Variants in SOX5 observed in about 807,000 individuals in gnomAD.
SOX5 encodes the protein transcription factor SOX-5.
SOX5 carries 9 observed loss-of-function variants against 92.0 expected under a neutral mutation model. The observed-to-expected ratio is 0.10, with a 90% CI of 0.06 to 0.17. SOX5 has a LOEUF of 0.17. Ranked by LOEUF, SOX5 falls within the 10% of genes least tolerant of loss-of-function variation. The pLI is 1.00. For synonymous variants in SOX5, 344 were observed against 336.3 expected (o/e 1.02, Z -0.25); for missense variants, 642 against 944.5 (o/e 0.68, Z 4.20).
At chr12:24,413,438 T>C (rs977785451) in intron 1 of SOX5, among the ~76,000 whole-genome samples, 3 of 152,238 alleles carry the variant, frequency 2.0e-5, no homozygotes, top group Admixed American at 2.0e-4. Flanking sequence ...TCTGCCCACA[T>C]TGTTACACAA....
chr12:23,748,797 T>C (rs2094086399), intron 4 of SOX5, among the ~76,000 whole-genome samples: 1 of 151,978 alleles, frequency 6.6e-6, no homozygotes, highest in Non-Finnish European at 1.5e-5. Flanking sequence ...TTTCAACTGG[T>C]ATTCCACTTG....
At chr12:23,918,951 G>T (rs1399836206) in intron 1 of SOX5, among the ~76,000 whole-genome samples, 1 of 151,174 alleles carries the variant, frequency 6.6e-6, no homozygotes, top group Non-Finnish European at 1.5e-5. Context: ...AAGAAAAATG[G>T]CCCCCAATTC....
At chr12:24,135,177 T>C (rs1950004508) in intron 4 of SOX5, among the ~76,000 whole-genome samples, 1 of 152,210 alleles carries the variant, frequency 6.6e-6, no homozygotes, top group South Asian at 2.1e-4. Context: ...TTCCTGGGAA[T>C]ACCCATTTGC....
intron 2 of SOX5, among the ~76,000 whole-genome samples, chr12:24,282,810 A>G (rs1235675192): frequency 6.6e-6 from 1 of 152,212 alleles, no homozygotes; most frequent in Non-Finnish European, 1.5e-5. Context: ...ATCTGAAGCC[A>G]GCACCTGCAA....
intron 2 of SOX5, among the ~76,000 whole-genome samples, chr12:23,872,248 G>A (rs1358517829): frequency 1.4e-5 from 2 of 141,084 alleles, no homozygotes; most frequent in South Asian, 2.2e-4. Flanking sequence ...TCCTGACCTC[G>A]TGATCCGCCC....
At chr12:24,561,741 T>G (rs1954369599) in intron 1 of SOX5, among the ~76,000 whole-genome samples, 1 of 134,276 alleles carries the variant, frequency 7.4e-6, no homozygotes, top group Non-Finnish European at 1.5e-5. Flanking sequence ...GGGGGAGTGG[T>G]AGGGAGAAGG....
chr12:24,331,830 A>T (rs1951342922), intron 2 of SOX5, among the ~76,000 whole-genome samples: 1 of 130,216 alleles, frequency 7.7e-6, no homozygotes, highest in African/African-American at 2.8e-5. Flanking sequence ...CCAGCCTGGG[A>T]ACAGAGCAAG....
chr12:23,785,726 T>C (rs2095365630), intron 3 of SOX5, among the ~76,000 whole-genome samples: 2 of 152,268 alleles, frequency 1.3e-5, no homozygotes, highest in South Asian at 2.1e-4. Context: ...AGTTGGAATA[T>C]ACATATGCCC....
At chr12:23,573,996 TTATC>T (rs943400908) in intron 10 of SOX5, among the ~76,000 whole-genome samples, 11 of 151,632 alleles carry the variant, frequency 7.3e-5, no homozygotes, top group Non-Finnish European at 1.0e-4. Flanking sequence ...AATATATTAG[TTATC>T]TATATTATAA....
intron 2 of SOX5, among the ~76,000 whole-genome samples, chr12:24,315,874 T>C (rs1949651991): frequency 6.6e-6 from 1 of 152,318 alleles, no homozygotes; most frequent in East Asian, 1.9e-4. Context: ...CACAGAAATC[T>C]TGAAAGTGCC....
chr12:24,147,280 T>G (rs1280516143), intron 4 of SOX5, among the ~76,000 whole-genome samples: 1 of 152,186 alleles, frequency 6.6e-6, no homozygotes, highest in Non-Finnish European at 1.5e-5. Flanking sequence ...CAAGGTTGTT[T>G]TAAAATTTGA....
chr12:24,000,175 T>C (rs1452377914), intron 4 of SOX5, among the ~76,000 whole-genome samples: 2 of 151,294 alleles, frequency 1.3e-5, no homozygotes, highest in Non-Finnish European at 3.0e-5. Context: ...GTGGAGAGAA[T>C]GGAGCTATAA....
At chr12:24,499,963 A>ACTCATCTCTTTGGAAATGTGT (rs1948036169) in intron 1 of SOX5, among the ~76,000 whole-genome samples, 1 of 152,132 alleles carries the variant, frequency 6.6e-6, no homozygotes, top group Non-Finnish European at 1.5e-5. Context: ...ACCCAATGTG[A>ACTCATCTCTTTGGAAATGTGT]CTCATCTCTT....
intron 1 of SOX5, among the ~76,000 whole-genome samples, chr12:24,454,010 AT>A (rs1222524366): frequency 6.6e-6 from 1 of 152,212 alleles, no homozygotes; most frequent in East Asian, 1.9e-4. Context: ...GGGTAGTCAA[AT>A]TAATCTAATT....
intron 4 of SOX5, among the ~76,000 whole-genome samples, chr12:24,116,543 C>G (rs1948022056): frequency 6.6e-6 from 1 of 152,106 alleles, no homozygotes; most frequent in South Asian, 2.1e-4. Context: ...GACAAAGTCA[C>G]AGTACTGCTG....
At position 24,325,960 on chromosome 12, in the gene SOX5, T is replaced by C. The variant is rs1324154746; in HGVS notation, c.-174+42603A>G. The stretch of plus-strand genomic sequence containing the variant: ...TTCGGTACTTGGCATTTGCTATTTA[T>C]TAAGACTTGTTAGAAAAACTTTAAG... On this transcript the variant is annotated intron_variant, in intron 2 of 4. Transcript: ENST00000446891. Among the ~76,000 whole-genome samples, 6 of 152,228 alleles carry C rather than the reference T, an allele frequency of 3.9e-5. No homozygotes were observed. In the South Asian group the frequency reaches 8.3e-4, roughly 21 times the overall value.
intron 1 of SOX5, among the ~76,000 whole-genome samples, chr12:24,411,762 G>A (rs1297645792): frequency 6.6e-6 from 1 of 151,984 alleles, no homozygotes; most frequent in East Asian, 1.9e-4. Flanking sequence ...GGGGATATTG[G>A]TCTCATTTCT....
chr12:23,974,155 G>GTCTC (rs757869849), intron 4 of SOX5, among the ~76,000 whole-genome samples: 1 of 151,950 alleles, frequency 6.6e-6, no homozygotes, highest in Non-Finnish European at 1.5e-5. Flanking sequence ...TACGAATGTA[G>GTCTC]TCTCTCTCTC....
intron 2 of SOX5, among the ~76,000 whole-genome samples, chr12:23,863,250 C>CTCTT (rs1456042200): frequency 6.6e-6 from 1 of 152,118 alleles, no homozygotes; most frequent in African/African-American, 2.4e-5. Flanking sequence ...TATTACAATG[C>CTCTT]TCTTTATCAT....
Sources: allele counts gnomAD v4.1 joint callset (sites outside exome capture counted in the v4.1 genomes callset), GRCh38; gene constraint gnomAD v4.1.1; transcripts MANE v1.5; gene names NCBI Gene and HGNC (gene_info 2026-07-23, HGNC 2026-07-21).